SPAG16: variants seen among roughly 807,000 people sequenced by gnomAD.
The protein encoded by SPAG16 is sperm associated antigen 16.
In SPAG16, 86 loss-of-function variants were observed where a neutral mutation model predicts 80.4. The observed-to-expected ratio is 1.07, with a 90% CI of 0.90 to 1.28. SPAG16 has a LOEUF of 1.28. SPAG16 is among the 50% of genes most tolerant of loss of function. SPAG16 has a pLI of 0.00. For synonymous variants in SPAG16, 294 were observed against 265.9 expected (o/e 1.11, Z -1.03); for missense variants, 870 against 765.3 (o/e 1.14, Z -1.61).
chr2:213,453,130 T>C, intron 9 of SPAG16, among the ~76,000 whole-genome samples: 1 of 152,228 alleles, frequency 6.6e-6, no homozygotes, highest in East Asian at 1.9e-4. Flanking sequence ...CTTAGAACAT[T>C]GCCTCAGTTT....
intron 15 of SPAG16, among the ~76,000 whole-genome samples, chr2:214,294,822 C>G (rs1347667804): frequency 2.6e-5 from 4 of 152,202 alleles, no homozygotes; most frequent in African/African-American, 9.6e-5. Flanking sequence ...TGCTGGTGAT[C>G]TTAATGCCTC....
chr2:213,979,464 G>A (rs1042145221), intron 12 of SPAG16, among the ~76,000 whole-genome samples: 2 of 151,984 alleles, frequency 1.3e-5, no homozygotes, highest in African/African-American at 4.8e-5. Context: ...CTGCATTGCT[G>A]GGGAGGCCTC....
chr2:213,729,756 G>A (rs903915169), intron 10 of SPAG16, among the ~76,000 whole-genome samples: 9 of 152,172 alleles, frequency 5.9e-5, no homozygotes, highest in African/African-American at 2.2e-4. Context: ...TTTGGGAATG[G>A]CAAGCAAAGA....
At chr2:213,296,002 C>A (rs1432068315) in intron 1 of SPAG16, 62 bp from the exon 2 acceptor site, 5 of 1,410,320 alleles carry the variant, frequency 3.5e-6, no homozygotes, top group South Asian at 3.5e-5. Flanking sequence ...AAGGTCAAAT[C>A]AATTTTTGTG....
chr2:214,358,110 G>A (rs899099933), intron 15 of SPAG16, among the ~76,000 whole-genome samples: 3 of 151,904 alleles, frequency 2.0e-5, no homozygotes, highest in Admixed American at 6.6e-5. Context: ...TCCCAGAGCT[G>A]CAATATTCAA....
chr2:213,860,771 G>A (rs62194391), intron 10 of SPAG16, among the ~76,000 whole-genome samples: 75 of 151,848 alleles, frequency 4.9e-4, no homozygotes, highest in African/African-American at 1.5e-3. Flanking sequence ...TTCAAAGTTC[G>A]TAAAAACATC....
intron 10 of SPAG16, among the ~76,000 whole-genome samples, chr2:213,647,165 T>G (rs1166475196): frequency 6.6e-6 from 1 of 152,176 alleles, no homozygotes; most frequent in Non-Finnish European, 1.5e-5. Flanking sequence ...ATTGGTGAGA[T>G]TCTACTCTTT....
intron 15 of SPAG16, among the ~76,000 whole-genome samples, chr2:214,257,198 T>G (rs1576611886): frequency 6.6e-6 from 1 of 151,920 alleles, no homozygotes; most frequent in East Asian, 1.9e-4. Flanking sequence ...CTGCTGCTAG[T>G]ATAAAAAAAA....
intron 10 of SPAG16, among the ~76,000 whole-genome samples, chr2:213,655,333 T>G (rs1282636408): frequency 1.3e-5 from 2 of 152,144 alleles, no homozygotes; most frequent in Non-Finnish European, 2.9e-5. Context: ...GAGCTGGATA[T>G]TGGAGGGAAG....
At chr2:213,643,641 C>T (rs1453341908) in intron 10 of SPAG16, among the ~76,000 whole-genome samples, 1 of 149,968 alleles carries the variant, frequency 6.7e-6, no homozygotes, top group Non-Finnish European at 1.5e-5. Flanking sequence ...GCCAATAACT[C>T]TTAGATTTGC....
rs2072863122 is a variant in SPAG16 at position 213,468,504 on chromosome 2, G to GTATTTATATATAGATATATATATGTATTT, written c.943-21459_943-21458insTATTTATATATAGATATATATATGTATTT. ...AGATATATATATGTATTTATATATA[G>GTATTTATATATAGATATATATATGTATTT]ATATATATATATCTATGTATTTATA... is the stretch of plus-strand genomic sequence containing the variant. On this transcript the variant is annotated intron_variant, in intron 9 of 15. Coordinates refer to ENST00000331683, the MANE Select transcript of SPAG16 (RefSeq NM_024532.5). 5.1e-5 allele frequency among the ~76,000 whole-genome samples: 3 copies of GTATTTATATATAGATATATATATGTATTT among 58,576 alleles called. 1 individual carries two copies. The highest frequency in any genetic ancestry group is 8.3e-5 in the Non-Finnish European group (2 of 23,962). 38.4% of individuals were successfully genotyped at this position (58,576 alleles called of 152,430 possible). A position where few individuals can be genotyped will look rare whatever the true frequency, so the allele number is the denominator to read the frequency against.
Position 214,295,662 on chromosome 2 carries a change from A to G in SPAG16, c.1721-114478A>G, listed in dbSNP as rs556908026. Among the ~76,000 whole-genome samples the G allele has an allele frequency of 1.7e-3, 258 of 152,216 alleles. 1 individual carries two copies. The highest frequency in any genetic ancestry group is 2.7e-3 in the Non-Finnish European group (182 of 68,002). ...AAAAATTAACCAGGCGTGGTGGCAC[A>G]TGTCTGTAATCCCAGCTACTTGGGA... On this transcript the variant is annotated intron_variant, in intron 15 of 15. Transcript: ENST00000331683.
intron 5 of SPAG16, among the ~76,000 whole-genome samples, chr2:213,321,158 C>T (rs904316984): frequency 1.3e-5 from 2 of 151,840 alleles, no homozygotes; most frequent in African/African-American, 4.8e-5. Flanking sequence ...ATTTTTAATA[C>T]ACAAAAAAGT....
intron 10 of SPAG16, among the ~76,000 whole-genome samples, chr2:213,805,770 T>A (rs1307903187): frequency 2.0e-5 from 3 of 152,176 alleles, no homozygotes; most frequent in African/African-American, 7.2e-5. Flanking sequence ...AATATAAAAA[T>A]ACAGTAAAAT....
chr2:213,949,652 A>G (rs1029769326), intron 12 of SPAG16, among the ~76,000 whole-genome samples: 2 of 152,186 alleles, frequency 1.3e-5, no homozygotes, highest in Non-Finnish European at 2.9e-5. Flanking sequence ...GGACTGACAG[A>G]ATATTCTCAC....
At chr2:213,330,137 G>A (rs1395638413) in intron 5 of SPAG16, among the ~76,000 whole-genome samples, 1 of 152,260 alleles carries the variant, frequency 6.6e-6, no homozygotes, top group Non-Finnish European at 1.5e-5. Flanking sequence ...GTGCGGAAGG[G>A]AAATATGGGG....
chr2:213,977,092 G>T lies in SPAG16; in HGVS notation c.1401-36859G>T, dbSNP rs183409134. 2.5e-4 allele frequency among the ~76,000 whole-genome samples: 38 copies of T among 152,110 alleles called. No homozygotes were observed. In the East Asian group the frequency reaches 5.2e-3, roughly 21 times the overall value. Reference sequence around the variant, plus strand: ...TATGCCCTCTCTTTTGCTATATTATGTTGGTCAGAGACCAAGCAGGGGGAT... The same window carrying T: ...TATGCCCTCTCTTTTGCTATATTATTTTGGTCAGAGACCAAGCAGGGGGAT... On this transcript the variant is annotated intron_variant, in intron 12 of 15. Coordinates refer to ENST00000331683, the MANE Select transcript of SPAG16 (RefSeq NM_024532.5).
intron 9 of SPAG16, among the ~76,000 whole-genome samples, chr2:213,414,163 G>T (rs558681757): frequency 1.3e-5 from 2 of 152,250 alleles, no homozygotes; most frequent in African/African-American, 4.8e-5. Context: ...TGTGCAGTAG[G>T]TAGTCTCCAA....
Position 213,935,530 on chromosome 2 carries a change from A to G in SPAG16, c.1400+5385A>G, listed in dbSNP as rs1035723037. Among the ~76,000 whole-genome samples, 8 of 152,272 alleles carry G rather than the reference A, an allele frequency of 5.3e-5. No individual in the cohort carries two copies. In the South Asian group the frequency reaches 8.3e-4, roughly 16 times the overall value. On this transcript the variant is annotated intron_variant, in intron 12 of 15. Transcript: ENST00000331683. ...GGAGTCCATGAAATCCTGCTTGCCA[A>G]TAGCAACATATGCAAGTTAGTTTGC...
Sources: gnomAD v4.1 joint callset for allele counts (sites outside exome capture counted in the v4.1 genomes callset) on GRCh38, gnomAD v4.1.1 for gene constraint, MANE v1.5 for transcripts, NCBI Gene and HGNC (gene_info 2026-07-23, HGNC 2026-07-21) for gene names.